The following DDB2 variants were observed in gnomAD, a reference collection of about 807,000 sequenced individuals.
DDB2 encodes the protein DNA damage-binding protein 2.
A neutral mutation model predicts 50.5 loss-of-function variants in DDB2; 27 were observed. The observed-to-expected ratio is 0.53, with a 90% confidence interval of 0.39 to 0.74. The LOEUF (loss-of-function observed/expected upper bound fraction) is 0.74, where lower values mean the gene tolerates loss of function less well. DDB2 is among the 30% of genes least tolerant of loss of function. The pLI, the probability that DDB2 is intolerant of heterozygous loss-of-function variation, is 0.00. For missense variants in DDB2, 424 were observed against 545.6 expected, an observed-to-expected ratio of 0.78 and a Z score of 2.22; for synonymous variants, 176 against 205.5, an observed-to-expected ratio of 0.86 and a Z score of 1.23.
intron 3 of DDB2, among the ~76,000 whole-genome samples, chr11:47,231,143 A>AC (rs1303353585): frequency 5.6e-4 from 82 of 145,658 alleles, no homozygotes; most frequent in African/African-American, 1.6e-3. Context: ...AAAAAAAAAA[A>AC]ACACACAAAG....
chr11:47,226,909 CTT>C (rs1212839067), intron 3 of DDB2, among the ~76,000 whole-genome samples: 1 of 151,424 alleles, frequency 6.6e-6, no homozygotes, highest in African/African-American at 2.4e-5. Context: ...ACCTTGCTAA[CTT>C]TGTTTTGTTT....
chr11:47,229,511 G>A (rs1953612523), intron 3 of DDB2, among the ~76,000 whole-genome samples: 1 of 152,140 alleles, frequency 6.6e-6, no homozygotes, highest in African/African-American at 2.4e-5. Flanking sequence ...GTGCATTTGG[G>A]GAGTGTGTGG....
chr11:47,234,951 C>G lies in DDB2; in HGVS notation c.880+17C>G. 6.2e-7 allele frequency: 1 copy of G among 1,613,730 alleles called. No homozygotes were observed. The highest frequency in any genetic ancestry group is 8.5e-7 in the Non-Finnish European group (1 of 1,179,744). On this transcript the variant is annotated intron_variant, in intron 6 of 9. Transcript: ENST00000256996. ...TCAACGCAGGTGTGATATCCCAGAC[C>G]TCATCTCTCCTGCAGACCCTGCCTG... is the stretch of plus-strand genomic sequence containing the variant.
rs569921258 is a variant in DDB2, at chr11:47,219,132, A to T, written c.456+2083A>T. 2.6e-5 allele frequency among the ~76,000 whole-genome samples: 4 copies of T among 152,180 alleles called. No individual in the cohort carries two copies. In the South Asian group the frequency reaches 8.3e-4, roughly 32 times the overall value. On this transcript the variant is annotated intron_variant, in intron 3 of 9. Coordinates refer to ENST00000256996, the MANE Select transcript of DDB2 (RefSeq NM_000107.3). Reference sequence around the variant, plus strand: ...GCTAATTTTTGTATTTTTAGTAGAGATGGGGTTTCACCGTGTTAGCCACGA... The same window carrying T: ...GCTAATTTTTGTATTTTTAGTAGAGTTGGGGTTTCACCGTGTTAGCCACGA...
rs560842794 is a variant in DDB2 at position 47,237,688 on chromosome 11, G to C, written c.1024-149G>C. 3.8e-5 allele frequency: 29 copies of C among 773,018 alleles called. No individual in the cohort carries two copies. In the South Asian group the frequency reaches 4.1e-4, roughly 11 times the overall value. 47.9% of individuals were successfully genotyped at this position (773,018 alleles called of 1,614,324 possible). A position where few individuals can be genotyped will look rare whatever the true frequency, so the allele number is the denominator to read the frequency against. On this transcript the variant is annotated intron_variant, in intron 7 of 9. Coordinates refer to ENST00000256996, the MANE Select transcript of DDB2 (RefSeq NM_000107.3). ...CTGACCTCGTGATCCGCCTGCCTCA[G>C]CCTCCCAAAGTGTTGAGATTACAGG...
intron 1 of DDB2, chr11:47,215,660 A>C: frequency 1.2e-5 from 4 of 328,202 alleles, no homozygotes; most frequent in Non-Finnish European, 1.8e-5. Context: ...TAGAAAGCTC[A>C]TTCTCTGAGG....
intron 3 of DDB2, among the ~76,000 whole-genome samples, chr11:47,222,053 G>T (rs1953492835): frequency 6.6e-6 from 1 of 152,108 alleles, no homozygotes; most frequent in African/African-American, 2.4e-5. Context: ...GTACAACTGT[G>T]AAGCCATCAC....
Position 47,223,534 on chromosome 11 carries a change from G to A in DDB2, c.456+6485G>A, listed in dbSNP as rs4647719. ...GGTGGCTGACACCTGTAATCCCAGC[G>A]CTTTGGGAGGCCGAGGCAGGCGGAT... is the stretch of plus-strand genomic sequence containing the variant. On this transcript the variant is annotated intron_variant, in intron 3 of 9. Coordinates refer to ENST00000256996, the MANE Select transcript of DDB2 (RefSeq NM_000107.3). Among the ~76,000 whole-genome samples, 1,174 of 151,684 alleles carry A rather than the reference G, an allele frequency of 7.7e-3. 19 individuals are homozygous for A. The highest frequency in any genetic ancestry group is 0.027 in the East Asian group (138 of 5,148).
At chr11:47,223,555 C>T (rs574659276) in intron 3 of DDB2, among the ~76,000 whole-genome samples, 357 of 151,816 alleles carry the variant, frequency 2.4e-3, no homozygotes, top group Non-Finnish European at 4.1e-3. Context: ...CCGAGGCAGG[C>T]GGATCACGAG....
chr11:47,232,651 AAAG>A (rs1329115246), intron 3 of DDB2, among the ~76,000 whole-genome samples, 160 bp from the exon 4 acceptor site: 1 of 152,158 alleles, frequency 6.6e-6, no homozygotes, highest in Non-Finnish European at 1.5e-5. Flanking sequence ...AGGAAAAGAA[AAAG>A]AAGTGAAGGC....
At chr11:47,234,709 C>T (rs376834996) in intron 5 of DDB2, 37 bp downstream of exon 5, 69 of 1,613,674 alleles carry the variant, frequency 4.3e-5, no homozygotes, top group Non-Finnish European at 5.1e-5. Flanking sequence ...CCTCCCTCAC[C>T]CCCACCTCGG....
intron 9 of DDB2, 94 bp downstream of exon 9, chr11:47,238,277 AC>A: frequency 8.6e-7 from 1 of 1,158,238 alleles, no homozygotes. Context: ...TGCCACATTC[AC>A]CCCAGGGCAG....
At chr11:47,228,582 G>T (rs1953593063) in intron 3 of DDB2, among the ~76,000 whole-genome samples, 1 of 150,742 alleles carries the variant, frequency 6.6e-6, no homozygotes, top group Non-Finnish European at 1.5e-5. Flanking sequence ...GGCAGAGGTT[G>T]CAGTGAGCCA....
chr11:47,221,969 G>GGGGT (rs1299148935), intron 3 of DDB2, among the ~76,000 whole-genome samples: 1 of 152,150 alleles, frequency 6.6e-6, no homozygotes, highest in Non-Finnish European at 1.5e-5. Context: ...CTCAGCCTAT[G>GGGGT]GGGTAGTCCT....
chr11:47,214,946 G>A, upstream of DDB2: 1 of 767,544 alleles, frequency 1.3e-6, no homozygotes, highest in Non-Finnish European at 2.1e-6. Flanking sequence ...CGGGGTCTCC[G>A]AGACGGGTGG....
intron 3 of DDB2, among the ~76,000 whole-genome samples, chr11:47,229,538 C>CTGGTTACATACAAGGAGATT: frequency 6.6e-6 from 1 of 152,040 alleles, no homozygotes; most frequent in African/African-American, 2.4e-5. Flanking sequence ...TAGTGGAAGA[C>CTGGTTACATACAAGGAGATT]TGGTTACATA....
chr11:47,226,734 C>CTTTTT (rs542832519), intron 3 of DDB2, among the ~76,000 whole-genome samples: 2 of 124,610 alleles, frequency 1.6e-5, no homozygotes, highest in African/African-American at 3.4e-5. Context: ...AGTCCTTTGC[C>CTTTTT]TTTTTTTTTT....
chr11:47,216,995 A>T lies in DDB2; in HGVS notation c.402A>T (p.Gly134=), dbSNP rs1420907306. The T allele has an allele frequency of 6.2e-7, 1 of 1,613,906 alleles. No homozygotes were observed. The highest frequency in any genetic ancestry group is 1.3e-5 in the African/African-American group (1 of 74,878). The change falls in exon 3 of 10, where the codon GGA becomes GGT. Residue 134 remains glycine (G), a synonymous_variant. Transcript: ENST00000256996. ...PSTVAVGSKG[G]DIMLWNFGIK... The stretch of plus-strand genomic sequence containing the variant: ...CCGTGGCTGTGGGTTCCAAAGGGGG[A>T]GATATCATGCTCTGGAATTTTGGCA...
chr11:47,214,676 T>C (rs1265052863), upstream of DDB2: 3 of 237,966 alleles, frequency 1.3e-5, no homozygotes, highest in Non-Finnish European at 2.5e-5. Flanking sequence ...GAGGCTGAGG[T>C]GGGAGGATCG....
Sources: gnomAD v4.1 joint callset for allele counts (sites outside exome capture counted in the v4.1 genomes callset) on GRCh38, gnomAD v4.1.1 for gene constraint, MANE v1.5 for transcripts, NCBI Gene and HGNC (gene_info 2026-07-23, HGNC 2026-07-21) for gene names.